Variants in AK7 observed in about 807,000 individuals in gnomAD.
AK7 encodes adenylate kinase 7, also known as ATP-AMP transphosphorylase 7.
In AK7, 78 loss-of-function variants were observed where a neutral mutation model predicts 96.6. That is an observed-to-expected ratio of 0.81 (90% CI 0.67 to 0.97). The LOEUF is 0.97. Ranked by LOEUF, AK7 falls within the 50% of genes least tolerant of loss-of-function variation. AK7 has a pLI of 0.00. For missense variants in AK7, 855 were observed against 887.9 expected, an observed-to-expected ratio of 0.96 and a Z score of 0.47; for synonymous variants, 302 against 317.2, an observed-to-expected ratio of 0.95 and a Z score of 0.51.
chr14:96,456,651 C>A, intron 11 of AK7, 176 bp downstream of exon 11: 1 of 614,266 alleles, frequency 1.6e-6, no homozygotes, highest in Non-Finnish European at 2.7e-6. Context: ...GCTTCTCTTC[C>A]CCCTCAGGCC....
chr14:96,441,642 C>CAAAAAAA, intron 6 of AK7, among the ~76,000 whole-genome samples: 1 of 91,490 alleles, frequency 1.1e-5, no homozygotes, highest in Non-Finnish European at 2.0e-5. Flanking sequence ...GACTCCGTCT[C>CAAAAAAA]AAAAAAAAAA....
At chr14:96,451,294 A>G in intron 9 of AK7, 127 bp from the exon 10 acceptor site, 1 of 767,524 alleles carries the variant, frequency 1.3e-6, no homozygotes, top group South Asian at 2.7e-5. Flanking sequence ...TCAGTGCTGG[A>G]TTAATTGACT....
chr14:96,398,093 G>A lies in AK7; in HGVS notation c.124G>A (p.Val42Ile), dbSNP rs754704255. The change falls in exon 2 of 18, where the codon GTT (valine) becomes ATT (isoleucine). Residue 42 changes from valine (V) to isoleucine (I), a missense_variant. By Grantham distance (29) the Val-to-Ile change is conservative. Coordinates refer to ENST00000267584, the MANE Select transcript of AK7 (RefSeq NM_152327.5). ...NIGKFLSNCV[V>I]GASLEEITEE... is the part of the protein sequence containing the mutation. ...CTTGCAGTTTCTATCTAACTGTGTA[G>A]TTGGGGCTTCGCTTGAAGAAATTAC... The A allele has an allele frequency of 6.8e-6, 11 of 1,614,000 alleles. No individual in the cohort carries two copies. Among genetic ancestry groups the A allele is most frequent in the Non-Finnish European group, 9.3e-6 (11 of 1,180,024 alleles).
chr14:96,443,690 A>G (rs1419153508), intron 7 of AK7, among the ~76,000 whole-genome samples: 4 of 152,066 alleles, frequency 2.6e-5, no homozygotes, highest in African/African-American at 9.7e-5. Context: ...CCTGGGCCAC[A>G]TTGGAAGATT....
Position 96,478,524 on chromosome 14 carries a change from C to T in AK7, c.1615C>T (p.Pro539Ser). 6.2e-7 allele frequency: 1 copy of T among 1,614,190 alleles called. No individual in the cohort carries two copies. Among genetic ancestry groups the T allele is most frequent in the Non-Finnish European group, 8.5e-7 (1 of 1,180,042 alleles). Residue 539 changes from proline to serine, a missense_variant, in exon 15 of 18, where the codon CCT becomes TCT. Pro to Ser is a moderately conservative substitution (Grantham distance 74, BLOSUM62 -1). Transcript: ENST00000267584. The stretch of plus-strand genomic sequence containing the variant: ...TCTGAAGGAGCGTGTGATAAACCTT[C>T]CTGAGAGCATCGTGGCGGGGACCCA... ...EFLKERVINL[P>S]ESIVAGTHYS...
chr14:96,395,158 T>TAAA (rs1251272515), intron 1 of AK7, among the ~76,000 whole-genome samples: 2 of 152,202 alleles, frequency 1.3e-5, no homozygotes, highest in Admixed American at 6.5e-5. Flanking sequence ...GTATAACTTT[T>TAAA]GTCTCCCCAG....
chr14:96,470,791 A>G (rs576602749), intron 12 of AK7, among the ~76,000 whole-genome samples: 1 of 152,346 alleles, frequency 6.6e-6, no homozygotes, highest in East Asian at 1.9e-4. Context: ...CACAATTCTC[A>G]CAACAGAAGC....
intron 4 of AK7, among the ~76,000 whole-genome samples, chr14:96,420,572 A>G (rs111829856): frequency 2.0e-5 from 3 of 147,002 alleles, no homozygotes; most frequent in Admixed American, 6.7e-5. Flanking sequence ...TAAAATAAGC[A>G]GTATGGCCAG....
At chr14:96,485,998 G>C (rs1036593610) in intron 16 of AK7, among the ~76,000 whole-genome samples, 5 of 151,838 alleles carry the variant, frequency 3.3e-5, no homozygotes, top group African/African-American at 1.2e-4. Context: ...GGGTTTCACC[G>C]TGGTCTCGAT....
chr14:96,429,531 G>A (rs1892224656), intron 5 of AK7, among the ~76,000 whole-genome samples: 1 of 152,148 alleles, frequency 6.6e-6, no homozygotes, highest in Non-Finnish European at 1.5e-5. Flanking sequence ...GGATGGCATT[G>A]AATCTATAAA....
Position 96,406,640 on chromosome 14 carries a change from C to G in AK7, c.403+1775C>G, listed in dbSNP as rs80340184. Among the ~76,000 whole-genome samples, 558 of 152,108 alleles carry G rather than the reference C, an allele frequency of 3.7e-3. 3 individuals are homozygous for G. The highest frequency in any genetic ancestry group is 0.013 in the African/African-American group (534 of 41,482). On this transcript the variant is annotated intron_variant, in intron 3 of 17. Transcript: ENST00000267584. ...AGGGATGGGGACTTTGTCATTTTAC[C>G]TACTGCACATTCTTAGATTTTGTTT... is the stretch of plus-strand genomic sequence containing the variant.
intron 3 of AK7, among the ~76,000 whole-genome samples, chr14:96,407,197 A>G (rs1890759577): frequency 6.6e-6 from 1 of 152,160 alleles, no homozygotes; most frequent in South Asian, 2.1e-4. Context: ...AAAAAGGATA[A>G]CCCAGTTAGA....
At chr14:96,432,694 G>A (rs905789541) in intron 5 of AK7, among the ~76,000 whole-genome samples, 1 of 151,966 alleles carries the variant, frequency 6.6e-6, no homozygotes, top group Non-Finnish European at 1.5e-5. Flanking sequence ...TTTTCTTTAA[G>A]AATGTTGAGG....
chr14:96,408,087 A>G (rs1446901061), intron 3 of AK7, among the ~76,000 whole-genome samples: 2 of 152,210 alleles, frequency 1.3e-5, no homozygotes, highest in African/African-American at 2.4e-5. Context: ...TTTCTGCCTT[A>G]TCAGTGCTCT....
intron 12 of AK7, among the ~76,000 whole-genome samples, chr14:96,469,864 C>T (rs1462208670): frequency 1.3e-5 from 2 of 152,144 alleles, no homozygotes; most frequent in East Asian, 3.9e-4. Flanking sequence ...GTTGCCCAGG[C>T]TAGAGTGCAA....
intron 2 of AK7, among the ~76,000 whole-genome samples, chr14:96,402,012 T>G (rs1301066102): frequency 6.6e-6 from 1 of 152,206 alleles, no homozygotes; most frequent in Admixed American, 6.5e-5. Flanking sequence ...GCCTGTTATG[T>G]TGGCTGTCCT....
intron 4 of AK7, among the ~76,000 whole-genome samples, chr14:96,419,947 C>T (rs1157529938): frequency 1.3e-5 from 2 of 151,632 alleles, no homozygotes; most frequent in East Asian, 2.0e-4. Flanking sequence ...TGCCACCACA[C>T]CTGGCTAATT....
chr14:96,440,514 G>A (rs187850713), intron 6 of AK7, among the ~76,000 whole-genome samples: 2 of 152,266 alleles, frequency 1.3e-5, no homozygotes, highest in East Asian at 3.9e-4. Context: ...TCTCTCCTAA[G>A]TTCTAGCTCT....
intron 15 of AK7, among the ~76,000 whole-genome samples, chr14:96,481,368 A>G (rs1295820741): frequency 6.6e-6 from 1 of 152,036 alleles, no homozygotes; most frequent in African/African-American, 2.4e-5. Context: ...TCTTTTTGAG[A>G]CAGAATCTCC....
Sources: gnomAD v4.1 joint callset for allele counts (sites outside exome capture counted in the v4.1 genomes callset) on GRCh38, gnomAD v4.1.1 for gene constraint, MANE v1.5 for transcripts, NCBI Gene and HGNC (gene_info 2026-07-23, HGNC 2026-07-21) for gene names.